Variants in LOC128462377 observed in about 807,000 individuals in gnomAD.
the LOC128462377 span, among the ~76,000 whole-genome samples, chr16:89,396,919 TC>T: frequency 6.6e-6 from 1 of 150,548 alleles, no homozygotes; most frequent in African/African-American, 2.4e-5. Flanking sequence ...ACTCCTGACC[TC>T]AGGTGATCCA....
the LOC128462377 span, among the ~76,000 whole-genome samples, chr16:89,391,890 C>T: frequency 6.6e-6 from 1 of 152,244 alleles, no homozygotes; most frequent in African/African-American, 2.4e-5. Context: ...ATGTTCTTAG[C>T]TCCCACAATT....
chr16:89,376,608 T>C, the LOC128462377 span, among the ~76,000 whole-genome samples: 4 of 152,198 alleles, frequency 2.6e-5, no homozygotes, highest in Admixed American at 6.5e-5. Flanking sequence ...CGGCTAATTT[T>C]TGTATTTTTA....
chr16:89,352,371 G>A, the LOC128462377 span, among the ~76,000 whole-genome samples: 3 of 151,498 alleles, frequency 2.0e-5, no homozygotes, highest in African/African-American at 7.3e-5. Flanking sequence ...ATGTCTCAAG[G>A]CAGCCCCCCA....
the LOC128462377 span, among the ~76,000 whole-genome samples, chr16:89,411,902 C>T: frequency 1.3e-5 from 2 of 151,602 alleles, no homozygotes; most frequent in East Asian, 3.9e-4. Flanking sequence ...TCCATCCCTC[C>T]CCTCAGCCAG....
chr16:89,342,054 G>A, the LOC128462377 span, among the ~76,000 whole-genome samples: 1 of 103,542 alleles, frequency 9.7e-6, no homozygotes, highest in African/African-American at 3.6e-5. Context: ...CACGGCCCAC[G>A]GCGGGAGTGC....
chr16:89,344,889 A>G, the LOC128462377 span, among the ~76,000 whole-genome samples: 1 of 152,186 alleles, frequency 6.6e-6, no homozygotes, highest in Non-Finnish European at 1.5e-5. Flanking sequence ...CTCAAACTGT[A>G]TTTTCCTTAG....
At chr16:89,370,281 C>A in the LOC128462377 span, among the ~76,000 whole-genome samples, 1 of 152,206 alleles carries the variant, frequency 6.6e-6, no homozygotes, top group South Asian at 2.1e-4. Flanking sequence ...CTGTGCCCAA[C>A]TATGTGGCAG....
the LOC128462377 span, among the ~76,000 whole-genome samples, chr16:89,383,819 G>C: frequency 6.6e-6 from 1 of 152,200 alleles, no homozygotes; most frequent in African/African-American, 2.4e-5. Context: ...AGAGGGCAAA[G>C]GTGCAGACTC....
chr16:89,397,593 G>A, the LOC128462377 span, among the ~76,000 whole-genome samples: 1 of 152,246 alleles, frequency 6.6e-6, no homozygotes, highest in African/African-American at 2.4e-5. Context: ...GGTGTGCATG[G>A]CAAGGGGCCC....
chr16:89,404,882 G>C, the LOC128462377 span, among the ~76,000 whole-genome samples: 2 of 152,276 alleles, frequency 1.3e-5, no homozygotes, highest in African/African-American at 2.4e-5. Flanking sequence ...ATTGACTCTT[G>C]CTTGGTTGAT....
chr16:89,322,245 G>A, the LOC128462377 span, among the ~76,000 whole-genome samples: 1 of 152,208 alleles, frequency 6.6e-6, no homozygotes, highest in Non-Finnish European at 1.5e-5. Flanking sequence ...CTCTCTCCCT[G>A]AACAGATGTG....
At chr16:89,380,853 G>T in the LOC128462377 span, among the ~76,000 whole-genome samples, 2 of 152,176 alleles carry the variant, frequency 1.3e-5, no homozygotes, top group African/African-American at 4.8e-5. Context: ...CGGCCCCAAA[G>T]GTGACCAGGC....
At chr16:89,385,319 C>CT in the LOC128462377 span, among the ~76,000 whole-genome samples, 31 of 151,524 alleles carry the variant, frequency 2.0e-4, no homozygotes, top group African/African-American at 7.0e-4. Flanking sequence ...AGTAGAGACG[C>CT]TGTTTTGCCA....
the LOC128462377 span, among the ~76,000 whole-genome samples, chr16:89,372,421 G>C: frequency 6.6e-6 from 1 of 152,168 alleles, no homozygotes; most frequent in Non-Finnish European, 1.5e-5. Flanking sequence ...CGACAAGGCA[G>C]TGGCAGGCGG....
At chr16:89,343,338 A>C in the LOC128462377 span, among the ~76,000 whole-genome samples, 36 of 152,370 alleles carry the variant, frequency 2.4e-4, no homozygotes, top group South Asian at 7.5e-3. Context: ...CAAAAACAGA[A>C]AAATTGACAT....
At chr16:89,383,724 G>A in the LOC128462377 span, among the ~76,000 whole-genome samples, 16 of 152,122 alleles carry the variant, frequency 1.1e-4, no homozygotes, top group African/African-American at 2.9e-4. Flanking sequence ...CGCAGCAGAC[G>A]TCCAGCCCCT....
the LOC128462377 span, among the ~76,000 whole-genome samples, chr16:89,381,857 A>G: frequency 6.6e-6 from 1 of 152,198 alleles, no homozygotes; most frequent in African/African-American, 2.4e-5. Flanking sequence ...GGAGGGCATA[A>G]CTTACAGCCT....
the LOC128462377 span, among the ~76,000 whole-genome samples, chr16:89,345,356 T>A: frequency 6.8e-6 from 1 of 147,266 alleles, no homozygotes; most frequent in Admixed American, 6.9e-5. Flanking sequence ...CGGCACCTGG[T>A]GCCCCATCTG....
the LOC128462377 span, among the ~76,000 whole-genome samples, chr16:89,415,829 C>CAAAAAAAAAAAAAAAAACAAAAAAA: frequency 2.5e-5 from 1 of 39,746 alleles, no homozygotes; most frequent in Non-Finnish European, 4.7e-5. Flanking sequence ...GACTCTGTCT[C>CAAAAAAAAAAAAAAAAACAAAAAAA]AAAAAAAAAA....
Sources: allele counts gnomAD v4.1 joint callset (sites outside exome capture counted in the v4.1 genomes callset), GRCh38; gene constraint gnomAD v4.1.1; transcripts MANE v1.5.